ABCC9: variants seen among roughly 807,000 people sequenced by gnomAD.
ABCC9 encodes the protein ATP-binding cassette sub-family C member 9.
Under a neutral mutation model 188.3 loss-of-function variants are expected in ABCC9, and 95 were observed. The observed-to-expected ratio is 0.50, with a 90% CI of 0.43 to 0.60. The LOEUF is 0.60. Among genes scored for constraint, ABCC9 ranks in the 20% least tolerant of loss-of-function variants. ABCC9 has a pLI of 0.00. For synonymous variants in ABCC9, 659 were observed against 652.7 expected, an observed-to-expected ratio of 1.01 and a Z score of -0.15; for missense variants, 1,102 against 1,876.3, an observed-to-expected ratio of 0.59 and a Z score of 7.62.
chr12:21,921,812 C>T (rs765374189), intron 5 of ABCC9, among the ~76,000 whole-genome samples: 1 of 151,964 alleles, frequency 6.6e-6, no homozygotes, highest in Admixed American at 6.6e-5. Context: ...TTCCCAGAAC[C>T]ATTTATTGAA....
intron 18 of ABCC9, among the ~76,000 whole-genome samples, chr12:21,866,337 G>T (rs1945779987): frequency 6.6e-6 from 1 of 152,136 alleles, no homozygotes; most frequent in Non-Finnish European, 1.5e-5. Context: ...TGTGATCACA[G>T]AATGTAACAA....
Position 21,861,232 on chromosome 12 carries a change from T to TCA in ABCC9, c.2340-178_2340-177insTG, listed in dbSNP as rs1282248936. 4.7e-4 allele frequency among the ~76,000 whole-genome samples: 70 copies of TCA among 150,012 alleles called. 2 individuals are homozygous for TCA. The highest frequency in any genetic ancestry group is 1.2e-3 in the African/African-American group (47 of 40,764). On this transcript the variant is annotated intron_variant, in intron 20 of 39. Coordinates refer to ENST00000261200, the MANE Select transcript of ABCC9 (RefSeq NM_020297.4). ...ATACATAAGTACTACTTCCCCCCCC[T>TCA]TTTTTTTTTTTTTTTGAAGACAGAG...
At chr12:21,900,454 G>A (rs1412901257) in intron 12 of ABCC9, among the ~76,000 whole-genome samples, 7 of 152,196 alleles carry the variant, frequency 4.6e-5, no homozygotes, top group African/African-American at 1.7e-4. Flanking sequence ...AACAAAGCAG[G>A]ACGGAGAATG....
chr12:21,920,875 C>G (rs1464159441), intron 5 of ABCC9, among the ~76,000 whole-genome samples: 3 of 151,998 alleles, frequency 2.0e-5, no homozygotes, highest in Non-Finnish European at 4.4e-5. Flanking sequence ...AAGTTCCATC[C>G]ATGTGGTTGC....
At chr12:21,853,218 A>G (rs1183223220) in intron 22 of ABCC9, among the ~76,000 whole-genome samples, 1 of 151,968 alleles carries the variant, frequency 6.6e-6, no homozygotes, top group Non-Finnish European at 1.5e-5. Context: ...GGAGGTTGAG[A>G]CCGGAGAATC....
chr12:21,927,932 G>A (rs969910111), intron 4 of ABCC9, among the ~76,000 whole-genome samples: 1 of 152,056 alleles, frequency 6.6e-6, no homozygotes, highest in Non-Finnish European at 1.5e-5. Context: ...ATCAAAGAAA[G>A]AATCTGGCTG....
chr12:21,869,399 C>G (rs1014425816), intron 18 of ABCC9, among the ~76,000 whole-genome samples: 1 of 152,206 alleles, frequency 6.6e-6, no homozygotes, highest in African/African-American at 2.4e-5. Flanking sequence ...CCCGCACTTT[C>G]CCTCTTGCCT....
intron 4 of ABCC9, among the ~76,000 whole-genome samples, chr12:21,932,118 C>G (rs1445688138): frequency 6.6e-6 from 1 of 152,002 alleles, no homozygotes; most frequent in African/African-American, 2.4e-5. Flanking sequence ...GAAAGTTACA[C>G]CATTTAGCAT....
At chr12:21,883,281 C>T (rs940819204) in intron 15 of ABCC9, among the ~76,000 whole-genome samples, 7 of 152,120 alleles carry the variant, frequency 4.6e-5, no homozygotes, top group African/African-American at 7.2e-5. Flanking sequence ...TTGGCTGTTG[C>T]GGGAGGGACC....
chr12:21,896,505 A>G (rs1947433505), intron 12 of ABCC9, among the ~76,000 whole-genome samples: 1 of 152,152 alleles, frequency 6.6e-6, no homozygotes, highest in Non-Finnish European at 1.5e-5. Flanking sequence ...ACATAGATAA[A>G]CATGTGCCAT....
chr12:21,899,388 G>A (rs1947596672), intron 12 of ABCC9, among the ~76,000 whole-genome samples: 1 of 152,222 alleles, frequency 6.6e-6, no homozygotes, highest in South Asian at 2.1e-4. Context: ...TGTGAACGAT[G>A]CAGAAGACGG....
At chr12:21,876,827 G>A (rs953331480) in intron 16 of ABCC9, among the ~76,000 whole-genome samples, 4 of 152,174 alleles carry the variant, frequency 2.6e-5, no homozygotes, top group African/African-American at 7.2e-5. Context: ...GAATTTTGCA[G>A]AATGGATTTG....
Position 21,828,967 on chromosome 12 carries a change from C to T in ABCC9, c.3660G>A (p.Glu1220=). The change falls in exon 31 of 40, where the codon GAG becomes GAA. Residue 1220 remains glutamate (E), a synonymous_variant. Coordinates refer to ENST00000261200, the MANE Select transcript of ABCC9 (RefSeq NM_020297.4). ...CATGAAATGAACGTACCGTCCTGAC[C>T]TCCAGCCATCTGTTGGCAGCTGAGA... ...LFLSAANRWL[E]VRTDYLGACI... 1 of 1,613,580 alleles carries T rather than the reference C, an allele frequency of 6.2e-7. No homozygotes were observed. Among genetic ancestry groups the T allele is most frequent in the Non-Finnish European group, 8.5e-7 (1 of 1,179,584 alleles).
At chr12:21,886,458 T>C (rs1946878939) in intron 15 of ABCC9, among the ~76,000 whole-genome samples, 1 of 152,088 alleles carries the variant, frequency 6.6e-6, no homozygotes, top group African/African-American at 2.4e-5. Context: ...TTTTTCACAA[T>C]ATCCACTGCA....
rs574026274 is a variant in ABCC9, at chr12:21,881,971, ATGTT to A, written c.2019+791_2019+794del. Among the ~76,000 whole-genome samples, 455 of 152,216 alleles carry A rather than the reference ATGTT, an allele frequency of 3.0e-3. 2 individuals are homozygous for A. Among genetic ancestry groups the A allele is most frequent in the Non-Finnish European group, 5.4e-3 (370 of 68,010 alleles). Reference sequence around the variant, plus strand: ...GCACTAGCTTGTTCCACTCAATCACATGTTTGTTCTGATTATGAAGTGGCTATTG... The same window carrying A: ...GCACTAGCTTGTTCCACTCAATCACATGTTCTGATTATGAAGTGGCTATTG... On this transcript the variant is annotated intron_variant, in intron 16 of 39. Coordinates refer to ENST00000261200, the MANE Select transcript of ABCC9 (RefSeq NM_020297.4).
At chr12:21,922,993 TA>T (rs1203828048) in intron 5 of ABCC9, 19 of 151,490 alleles carry the variant, frequency 1.3e-4, no homozygotes, top group African/African-American at 1.9e-4. Flanking sequence ...TCATTTGATT[TA>T]TTTTTTTTTA....
intron 24 of ABCC9, among the ~76,000 whole-genome samples, chr12:21,849,404 A>C (rs1432359287): frequency 6.6e-6 from 1 of 152,190 alleles, no homozygotes; most frequent in Non-Finnish European, 1.5e-5. Flanking sequence ...GTTTGACCCC[A>C]GTTTTAAATT....
At chr12:21,857,195 A>C (rs1398216293) in intron 22 of ABCC9, among the ~76,000 whole-genome samples, 1 of 152,234 alleles carries the variant, frequency 6.6e-6, no homozygotes, top group Non-Finnish European at 1.5e-5. Context: ...AGCAGTGTGC[A>C]TCTAGCACAG....
chr12:21,839,245 A>G lies in ABCC9; in HGVS notation c.3474-1075T>C, dbSNP rs115481075. Among the ~76,000 whole-genome samples, 177 of 152,292 alleles carry G rather than the reference A, an allele frequency of 1.2e-3. 1 individual carries two copies. Among genetic ancestry groups the G allele is most frequent in the African/African-American group, 4.0e-3 (168 of 41,556 alleles). The stretch of plus-strand genomic sequence containing the variant: ...ATGTGGGACAGTCAGAAGAAGCCCT[A>G]TTTGCTGTGATGATCAATTAGTTTT... On this transcript the variant is annotated intron_variant, in intron 29 of 39. Transcript: ENST00000261200.
Sources: allele counts gnomAD v4.1 joint callset (sites outside exome capture counted in the v4.1 genomes callset), GRCh38; gene constraint gnomAD v4.1.1; transcripts MANE v1.5; gene names NCBI Gene and HGNC (gene_info 2026-07-23, HGNC 2026-07-21).